MAF: variants seen among roughly 807,000 people sequenced by gnomAD.
The protein encoded by MAF is transcription factor Maf.
MAF carries 10 observed loss-of-function variants against 22.0 expected under a neutral mutation model. That is an observed-to-expected ratio of 0.45 (90% CI 0.28 to 0.77). MAF has a LOEUF of 0.77. Ranked by LOEUF, MAF falls within the 30% of genes least tolerant of loss-of-function variation. The pLI, the probability that MAF is intolerant of heterozygous loss-of-function variation, is 0.12. For missense variants in MAF, 544 were observed against 548.4 expected (o/e 0.99, Z 0.08); for synonymous variants, 337 against 255.8 (o/e 1.32, Z -3.03).
the MAF span, among the ~76,000 whole-genome samples, chr16:79,475,824 A>G: frequency 2.0e-5 from 3 of 152,122 alleles, no homozygotes; most frequent in African/African-American, 7.2e-5. Flanking sequence ...GGTTTGTTAC[A>G]CTTGTTGCAG....
chr16:79,535,228 G>C, the MAF span, among the ~76,000 whole-genome samples: 1 of 152,122 alleles, frequency 6.6e-6, no homozygotes, highest in Admixed American at 6.6e-5. Context: ...GACAGATGTA[G>C]ACATTGCTTT....
chr16:79,407,572 T>C, the MAF span, among the ~76,000 whole-genome samples: 2 of 152,182 alleles, frequency 1.3e-5, no homozygotes, highest in African/African-American at 4.8e-5. Flanking sequence ...TAATTATTCC[T>C]AACATCATGG....
the MAF span, among the ~76,000 whole-genome samples, chr16:79,285,484 C>T: frequency 6.6e-6 from 1 of 152,152 alleles, no homozygotes; most frequent in African/African-American, 2.4e-5. Flanking sequence ...TGGACACCTA[C>T]ATCAGAGTCC....
At chr16:79,399,851 A>G in the MAF span, among the ~76,000 whole-genome samples, 4 of 152,202 alleles carry the variant, frequency 2.6e-5, no homozygotes, top group Admixed American at 2.6e-4. Context: ...TTAATTATTC[A>G]TAGTCTCAAC....
At chr16:79,583,532 G>A (rs764215965), downstream of MAF, among the ~76,000 whole-genome samples, 1 of 152,166 alleles carries the variant, frequency 6.6e-6, no homozygotes, top group African/African-American at 2.4e-5. Context: ...GGTTGCATCC[G>A]GATGGGTCTT....
At chr16:79,516,190 C>T in the MAF span, 1 of 152,118 alleles carries the variant, frequency 6.6e-6, no homozygotes, top group Non-Finnish European at 1.5e-5. Flanking sequence ...AAGCTGGGCC[C>T]ATCACAGAAA....
At chr16:79,472,765 T>C in the MAF span, among the ~76,000 whole-genome samples, 127 of 152,186 alleles carry the variant, frequency 8.3e-4, no homozygotes, top group African/African-American at 2.9e-3. Flanking sequence ...TGGTGAATTT[T>C]ATAGTAATGT....
the MAF span, among the ~76,000 whole-genome samples, chr16:79,448,488 C>T: frequency 6.6e-5 from 10 of 151,272 alleles, no homozygotes; most frequent in South Asian, 2.1e-4. Flanking sequence ...TACGGTGGTG[C>T]GACCTAGGCT....
the MAF span, among the ~76,000 whole-genome samples, chr16:79,489,807 G>A: frequency 3.3e-5 from 5 of 152,206 alleles, no homozygotes; most frequent in African/African-American, 1.2e-4. Context: ...AGGGCCAGGT[G>A]GAATGGGTCT....
At chr16:79,421,638 A>ATTTTTTTTTTTTT in the MAF span, among the ~76,000 whole-genome samples, 2 of 144,784 alleles carry the variant, frequency 1.4e-5, no homozygotes, top group African/African-American at 5.1e-5. Context: ...AAGAAAAGTG[A>ATTTTTTTTTTTTT]TTTTTTTTTT....
chr16:79,499,520 T>G, the MAF span, among the ~76,000 whole-genome samples: 2 of 152,126 alleles, frequency 1.3e-5, no homozygotes, highest in Admixed American at 1.3e-4. Context: ...ATCAATGTGA[T>G]GGTATTAAGA....
At chr16:79,338,123 G>T in the MAF span, among the ~76,000 whole-genome samples, 2 of 152,204 alleles carry the variant, frequency 1.3e-5, no homozygotes, top group Non-Finnish European at 2.9e-5. Context: ...GTCTAGTGGT[G>T]TAGTCTTCAG....
the MAF span, among the ~76,000 whole-genome samples, chr16:79,312,568 G>C: frequency 6.6e-6 from 1 of 152,176 alleles, no homozygotes; most frequent in Non-Finnish European, 1.5e-5. Flanking sequence ...CCAGAGCAGA[G>C]AGACAGAAAT....
chr16:79,595,177 A>G (rs1421848360), intron 1 of MAF: 13 of 1,042,214 alleles, frequency 1.2e-5, no homozygotes, highest in Non-Finnish European at 1.5e-5. Context: ...CTTGACTTCA[A>G]GCTCATGAGG....
At chr16:79,299,470 G>A in the MAF span, among the ~76,000 whole-genome samples, 14 of 152,310 alleles carry the variant, frequency 9.2e-5, no homozygotes, top group African/African-American at 2.9e-4. Flanking sequence ...AGGCCTGGGC[G>A]CAAACTGTGC....
the MAF span, among the ~76,000 whole-genome samples, chr16:79,293,043 T>C: frequency 6.6e-6 from 1 of 152,230 alleles, no homozygotes; most frequent in Non-Finnish European, 1.5e-5. Flanking sequence ...ACTATAAATA[T>C]ACTCAAATGA....
the MAF span, among the ~76,000 whole-genome samples, chr16:79,383,530 A>G: frequency 6.6e-6 from 1 of 152,252 alleles, no homozygotes; most frequent in Non-Finnish European, 1.5e-5. Flanking sequence ...CCATTATCTC[A>G]AGAAAATGCA....
At chr16:79,212,739 A>AAAAACAAAAAC in the MAF span, 1 of 150,946 alleles carries the variant, frequency 6.6e-6, no homozygotes, top group East Asian at 1.9e-4. Flanking sequence ...TTTAGAAAAG[A>AAAAACAAAAAC]AATCTAGAGG....
the MAF span, among the ~76,000 whole-genome samples, chr16:79,406,114 G>T: frequency 6.6e-6 from 1 of 152,258 alleles, no homozygotes; most frequent in South Asian, 2.1e-4. Context: ...TCCCCAGTGA[G>T]ATTACTTCCA....
Sources: gnomAD v4.1 joint callset for allele counts (sites outside exome capture counted in the v4.1 genomes callset) on GRCh38, gnomAD v4.1.1 for gene constraint, MANE v1.5 for transcripts, NCBI Gene and HGNC (gene_info 2026-07-23, HGNC 2026-07-21) for gene names.